The following PDGFC variants were observed in gnomAD, a reference collection of about 807,000 sequenced individuals.
PDGFC encodes the protein platelet derived growth factor C.
PDGFC carries 12 observed loss-of-function variants against 35.5 expected under a neutral mutation model. The observed-to-expected ratio is 0.34, with a 90% CI of 0.22 to 0.55. The LOEUF is 0.55. Ranked by LOEUF, PDGFC falls within the 20% of genes least tolerant of loss-of-function variation. The pLI is 0.91. For missense variants in PDGFC, 322 were observed against 412.4 expected (o/e 0.78, Z 1.90); for synonymous variants, 159 against 148.8 (o/e 1.07, Z -0.50).
intron 1 of PDGFC, among the ~76,000 whole-genome samples, chr4:156,910,369 T>C (rs1277798858): frequency 6.6e-6 from 1 of 152,128 alleles, no homozygotes; most frequent in Non-Finnish European, 1.5e-5. Context: ...CATTTATCAA[T>C]AACTGCTCTT....
chr4:156,816,245 C>A (rs1196008528), intron 2 of PDGFC, among the ~76,000 whole-genome samples: 1 of 152,102 alleles, frequency 6.6e-6, no homozygotes, highest in African/African-American at 2.4e-5. Flanking sequence ...AGAAACCCTG[C>A]CAACAAATGA....
At chr4:156,766,022 C>A (rs1730517460) in intron 5 of PDGFC, among the ~76,000 whole-genome samples, 1 of 152,122 alleles carries the variant, frequency 6.6e-6, no homozygotes, top group South Asian at 2.1e-4. Context: ...CACATGCAAA[C>A]AAATGTTAGG....
chr4:156,947,837 C>G (rs557415404), intron 1 of PDGFC, among the ~76,000 whole-genome samples: 1 of 151,976 alleles, frequency 6.6e-6, no homozygotes, highest in East Asian at 2.0e-4. Flanking sequence ...GAATGTGCAG[C>G]CTTAGGGTAA....
chr4:156,772,803 A>G lies in PDGFC; in HGVS notation c.586T>C (p.Leu196=). 6.2e-7 allele frequency: 1 copy of G among 1,612,966 alleles called. No individual in the cohort carries two copies. The highest frequency in any genetic ancestry group is 8.5e-7 in the Non-Finnish European group (1 of 1,179,026). ...TCAAGATATCGAATAAGGTCTTCCA[A>G]GGTACTAAAGGCAGTTATAGCATTA... The part of the protein sequence containing the change: ...LNNAITAFST[L]EDLIRYLEPE... The change falls in exon 4 of 6, where the codon TTG becomes CTG. Residue 196 remains leucine (L), a synonymous_variant. Coordinates refer to ENST00000502773, the MANE Select transcript of PDGFC (RefSeq NM_016205.3).
intron 2 of PDGFC, among the ~76,000 whole-genome samples, chr4:156,816,167 T>C (rs564371768): frequency 6.6e-6 from 1 of 152,190 alleles, no homozygotes; most frequent in African/African-American, 2.4e-5. Flanking sequence ...CTGTTTCTAG[T>C]TCATGCTAAC....
At chr4:156,794,116 A>C (rs2110891099) in intron 3 of PDGFC, among the ~76,000 whole-genome samples, 1 of 152,260 alleles carries the variant, frequency 6.6e-6, no homozygotes, top group African/African-American at 2.4e-5. Context: ...GCAGCTTGTA[A>C]GGAAAATAAA....
At chr4:156,802,947 G>T (rs1259798215) in intron 3 of PDGFC, among the ~76,000 whole-genome samples, 2 of 152,106 alleles carry the variant, frequency 1.3e-5, no homozygotes, top group South Asian at 2.1e-4. Flanking sequence ...GTATATTCAT[G>T]GAAGTTTTAC....
intron 3 of PDGFC, among the ~76,000 whole-genome samples, chr4:156,776,278 T>A (rs1364237722): frequency 1.3e-5 from 2 of 152,256 alleles, no homozygotes; most frequent in Non-Finnish European, 2.9e-5. Flanking sequence ...GATTGGGCTG[T>A]TAAACTGGTT....
At chr4:156,838,450 T>C (rs1729119560) in intron 2 of PDGFC, among the ~76,000 whole-genome samples, 1 of 152,216 alleles carries the variant, frequency 6.6e-6, no homozygotes, top group Admixed American at 6.5e-5. Flanking sequence ...TGCGGAAAAC[T>C]TTTTGTCTCT....
At chr4:156,921,478 AAGG>A (rs1460347916) in intron 1 of PDGFC, among the ~76,000 whole-genome samples, 1 of 152,166 alleles carries the variant, frequency 6.6e-6, no homozygotes, top group Non-Finnish European at 1.5e-5. Context: ...AGTTTACTAA[AAGG>A]AGGAGGAGAA....
At chr4:156,842,669 C>T (rs552797694) in intron 2 of PDGFC, among the ~76,000 whole-genome samples, 1 of 152,128 alleles carries the variant, frequency 6.6e-6, no homozygotes, top group Admixed American at 6.5e-5. Flanking sequence ...TCCTCTCTAC[C>T]ATTACACACC....
intron 2 of PDGFC, among the ~76,000 whole-genome samples, chr4:156,828,699 A>T (rs2111013400): frequency 6.6e-6 from 1 of 152,298 alleles, no homozygotes; most frequent in Non-Finnish European, 1.5e-5. Context: ...CTCTTATGGT[A>T]TATTTAACGT....
At chr4:156,944,493 C>T (rs995844896) in intron 1 of PDGFC, among the ~76,000 whole-genome samples, 12 of 152,144 alleles carry the variant, frequency 7.9e-5, no homozygotes, top group African/African-American at 2.9e-4. Context: ...AAATCCATCA[C>T]CAATGTGTGT....
intron 1 of PDGFC, among the ~76,000 whole-genome samples, chr4:156,915,864 T>C (rs1352005434): frequency 6.6e-6 from 1 of 152,106 alleles, no homozygotes; most frequent in Non-Finnish European, 1.5e-5. Context: ...GTCTTTTGCT[T>C]GATCCCCAAA....
chr4:156,788,633 G>C (rs1293252795), intron 3 of PDGFC, among the ~76,000 whole-genome samples: 1 of 152,138 alleles, frequency 6.6e-6, no homozygotes, highest in Non-Finnish European at 1.5e-5. Context: ...CAAAGTATTA[G>C]CTTCAAGGGA....
intron 2 of PDGFC, among the ~76,000 whole-genome samples, chr4:156,848,943 T>C (rs922818524): frequency 1.3e-5 from 2 of 152,000 alleles, no homozygotes; most frequent in Non-Finnish European, 2.9e-5. Flanking sequence ...AAGTCCTTTG[T>C]CTCTGACCCA....
intron 1 of PDGFC, among the ~76,000 whole-genome samples, chr4:156,966,303 CAG>C (rs935186172): frequency 2.5e-4 from 38 of 152,168 alleles, no homozygotes; most frequent in Admixed American, 1.1e-3. Flanking sequence ...TAGAGTTACA[CAG>C]AGTTATATAT....
chr4:156,895,557 G>A (rs1579083770), intron 1 of PDGFC, among the ~76,000 whole-genome samples: 1 of 151,650 alleles, frequency 6.6e-6, no homozygotes, highest in African/African-American at 2.4e-5. Context: ...GCTTGAACCC[G>A]GGAGGCAGAG....
chr4:156,932,781 G>T lies in PDGFC; in HGVS notation c.118+38005C>A, dbSNP rs183199967. On this transcript the variant is annotated intron_variant, in intron 1 of 5. Transcript: ENST00000502773. ...GGAGGGGGGAGGGATAGCATTAGGA[G>T]ATATATCTAATGATAAATGACGAGT... 3.7e-3 allele frequency among the ~76,000 whole-genome samples: 556 copies of T among 150,758 alleles called. 15 individuals are homozygous for T. The East Asian group carries it at 0.084, about 23-fold the overall frequency.
Sources: gnomAD v4.1 joint callset for allele counts (sites outside exome capture counted in the v4.1 genomes callset) on GRCh38, gnomAD v4.1.1 for gene constraint, MANE v1.5 for transcripts, NCBI Gene and HGNC (gene_info 2026-07-23, HGNC 2026-07-21) for gene names.